CCDC170: variants seen among roughly 807,000 people sequenced by gnomAD.
The protein encoded by CCDC170 is coiled-coil domain containing 170, also known as coiled-coil domain-containing protein 170.
In CCDC170, 69 loss-of-function variants were observed where a neutral mutation model predicts 72.6. That is an observed-to-expected ratio of 0.95 (90% CI 0.78 to 1.16). The LOEUF (loss-of-function observed/expected upper bound fraction) is 1.16. Among genes scored for constraint, CCDC170 ranks in the 50% most tolerant of loss-of-function variants. CCDC170 has a pLI of 0.00. For synonymous variants in CCDC170, 300 were observed against 303.9 expected (o/e 0.99, Z 0.13); for missense variants, 852 against 832.5 (o/e 1.02, Z -0.29).
At chr6:151,591,637 G>A (rs1463962643) in intron 7 of CCDC170, among the ~76,000 whole-genome samples, 1 of 151,950 alleles carries the variant, frequency 6.6e-6, no homozygotes, top group Middle Eastern at 3.2e-3. Flanking sequence ...TGGGACTACA[G>A]GTGCCCGCCA....
chr6:151,608,539 C>A (rs757813186), intron 9 of CCDC170, among the ~76,000 whole-genome samples: 1 of 152,072 alleles, frequency 6.6e-6, no homozygotes, highest in African/African-American at 2.4e-5. Flanking sequence ...GGGAGGGTAC[C>A]GTTGTGTAGT....
At chr6:151,495,755 C>CAA (rs1190990623) in intron 1 of CCDC170, among the ~76,000 whole-genome samples, 5 of 152,206 alleles carry the variant, frequency 3.3e-5, no homozygotes, top group Admixed American at 1.3e-4. Flanking sequence ...CTCAGACTCC[C>CAA]AAAGTGCTGG....
intron 9 of CCDC170, among the ~76,000 whole-genome samples, chr6:151,605,386 G>C (rs1004347499): frequency 6.6e-6 from 1 of 152,192 alleles, no homozygotes; most frequent in Admixed American, 6.5e-5. Context: ...AAGGGTTCAT[G>C]CCCAGGAGAT....
At chr6:151,505,545 G>A (rs944554960) in intron 1 of CCDC170, among the ~76,000 whole-genome samples, 15 of 152,088 alleles carry the variant, frequency 9.9e-5, no homozygotes, top group African/African-American at 1.7e-4. Flanking sequence ...TTAGCCGGGC[G>A]TGGTGGCTGG....
rs899406495 is a variant in CCDC170 at position 151,531,868 on chromosome 6, A to T, written c.58-4450A>T. Among the ~76,000 whole-genome samples the T allele has an allele frequency of 2.0e-5, 3 of 152,194 alleles. No individual in the cohort carries two copies. In the East Asian group the frequency reaches 5.8e-4, roughly 29 times the overall value. On this transcript the variant is annotated intron_variant, in intron 1 of 10. Transcript: ENST00000239374. The stretch of plus-strand genomic sequence containing the variant: ...TATAAAACCATCAGATCTCATGGGA[A>T]CTCACTACTATGAGAACAGGGGTAA...
chr6:151,524,791 C>G (rs1034057374), intron 1 of CCDC170, among the ~76,000 whole-genome samples: 4 of 152,082 alleles, frequency 2.6e-5, no homozygotes, highest in Non-Finnish European at 5.9e-5. Flanking sequence ...TGCCTATACA[C>G]AAAAGTTTGG....
intron 9 of CCDC170, among the ~76,000 whole-genome samples, chr6:151,608,356 T>A (rs1776817112): frequency 6.6e-6 from 1 of 152,244 alleles, no homozygotes. Context: ...ATTGTGTTCC[T>A]GTGGAGGTGT....
chr6:151,531,116 T>G (rs1782485090), intron 1 of CCDC170, among the ~76,000 whole-genome samples: 1 of 152,186 alleles, frequency 6.6e-6, no homozygotes. Flanking sequence ...CATGTTTGTG[T>G]TGTTCCTCCA....
In CCDC170 at chr6:151,538,038, A is replaced by G. The variant is rs755306740; in HGVS notation, c.187-7A>G. The G allele has an allele frequency of 1.2e-4, 191 of 1,568,024 alleles. No individual in the cohort carries two copies. Among genetic ancestry groups the G allele is most frequent in the Non-Finnish European group, 1.6e-4 (184 of 1,163,430 alleles). On this transcript the variant is annotated splice_region_variant and splice_polypyrimidine_tract_variant and intron_variant, in intron 2 of 10. Coordinates refer to ENST00000239374, the MANE Select transcript of CCDC170 (RefSeq NM_025059.4). The stretch of plus-strand genomic sequence containing the variant: ...TTTTTTTTTTTTTAACTTCTTTTCC[A>G]TGTTAGCTTCAAGACCTCCGATCCA...
At chr6:151,575,132 A>ATAGTTAATTAAC (rs1375965295) in intron 6 of CCDC170, among the ~76,000 whole-genome samples, 1 of 152,252 alleles carries the variant, frequency 6.6e-6, no homozygotes, top group Admixed American at 6.5e-5. Context: ...AACCTAAATT[A>ATAGTTAATTAAC]TAGAAGTCCT....
chr6:151,527,050 A>ATTTTTTTTTT (rs56941290), intron 1 of CCDC170, among the ~76,000 whole-genome samples: 5 of 69,682 alleles, frequency 7.2e-5, no homozygotes, highest in Non-Finnish European at 1.1e-4. Flanking sequence ...ATGCTTAGCT[A>ATTTTTTTTTT]TTTTTTTTTT....
intron 1 of CCDC170, among the ~76,000 whole-genome samples, chr6:151,525,212 G>A (rs904422724): frequency 2.6e-5 from 4 of 152,202 alleles, no homozygotes; most frequent in South Asian, 2.1e-4. Flanking sequence ...GATTACAGGC[G>A]TGAGCCACCA....
chr6:151,549,595 A>G (rs1254772895), intron 5 of CCDC170, among the ~76,000 whole-genome samples: 1 of 151,744 alleles, frequency 6.6e-6, no homozygotes, highest in East Asian at 2.0e-4. Context: ...TTCTTTCTTT[A>G]AAAAATTTAT....
At chr6:151,544,425 G>A in intron 3 of CCDC170, 147 bp from the exon 4 acceptor site, 1 of 790,614 alleles carries the variant, frequency 1.3e-6, no homozygotes, top group Middle Eastern at 3.8e-4. Context: ...TAGGGCTTCT[G>A]TGACAATAAT....
intron 1 of CCDC170, among the ~76,000 whole-genome samples, chr6:151,509,734 A>C (rs1188569519): frequency 6.6e-6 from 1 of 152,242 alleles, no homozygotes; most frequent in East Asian, 1.9e-4. Flanking sequence ...TTGTTACAAT[A>C]GTCTTGGAGA....
intron 6 of CCDC170, among the ~76,000 whole-genome samples, chr6:151,576,375 C>A (rs1776304229): frequency 6.6e-6 from 1 of 151,402 alleles, no homozygotes; most frequent in Admixed American, 6.6e-5. Flanking sequence ...CCTCACCATT[C>A]GTCGAGGAGC....
chr6:151,595,576 G>A (rs1776608999), intron 8 of CCDC170, among the ~76,000 whole-genome samples: 2 of 152,090 alleles, frequency 1.3e-5, no homozygotes, highest in African/African-American at 4.8e-5. Context: ...AGCACTTTTG[G>A]AGGCTGAGGC....
At chr6:151,515,385 C>T (rs895467526) in intron 1 of CCDC170, among the ~76,000 whole-genome samples, 11 of 152,196 alleles carry the variant, frequency 7.2e-5, no homozygotes, top group African/African-American at 1.7e-4. Context: ...CAGGTTCAAG[C>T]GATTCTCCTG....
chr6:151,514,843 T>C (rs1161027807), intron 1 of CCDC170, among the ~76,000 whole-genome samples: 2 of 152,204 alleles, frequency 1.3e-5, no homozygotes, highest in Non-Finnish European at 2.9e-5. Context: ...CCATTCTTTT[T>C]GGATGAAGCC....
Sources: allele counts gnomAD v4.1 joint callset (sites outside exome capture counted in the v4.1 genomes callset), GRCh38; gene constraint gnomAD v4.1.1; transcripts MANE v1.5; gene names NCBI Gene and HGNC (gene_info 2026-07-23, HGNC 2026-07-21).